ROCK1: variants seen among roughly 807,000 people sequenced by gnomAD.
ROCK1 encodes rho-associated protein kinase 1.
ROCK1 carries 36 observed loss-of-function variants against 196.8 expected under a neutral mutation model. The ratio of observed to expected loss-of-function variants is 0.18; its 90% CI spans 0.14 to 0.24. The LOEUF (loss-of-function observed/expected upper bound fraction) is 0.24, where lower values mean the gene tolerates loss of function less well. Among genes scored for constraint, ROCK1 ranks in the 10% least tolerant of loss-of-function variants. The pLI, the probability that ROCK1 is intolerant of heterozygous loss-of-function variation, is 1.00. For missense variants in ROCK1, 920 were observed against 1,562.0 expected (o/e 0.59, Z 6.93); for synonymous variants, 443 against 515.9 (o/e 0.86, Z 1.91).
chr18:21,021,931 T>A (rs2035916301), intron 11 of ROCK1, among the ~76,000 whole-genome samples: 1 of 152,190 alleles, frequency 6.6e-6, no homozygotes, highest in East Asian at 1.9e-4. Flanking sequence ...CAAACAGCTC[T>A]ACTGGGATTA....
chr18:21,095,597 G>A (rs137962236), intron 1 of ROCK1, among the ~76,000 whole-genome samples: 69 of 152,182 alleles, frequency 4.5e-4, no homozygotes, highest in African/African-American at 1.6e-3. Context: ...AAATAAGCCA[G>A]ACACAGAAAG....
chr18:21,029,252 C>T (rs2035986347), intron 9 of ROCK1, among the ~76,000 whole-genome samples: 1 of 152,118 alleles, frequency 6.6e-6, no homozygotes. Flanking sequence ...TACACAAAAG[C>T]ATTCGGGACT....
chr18:21,079,118 C>A (rs2036460723), intron 1 of ROCK1, among the ~76,000 whole-genome samples: 1 of 152,108 alleles, frequency 6.6e-6, no homozygotes, highest in South Asian at 2.1e-4. Flanking sequence ...TGTGGTCTTT[C>A]GCAGGCCTTC....
At chr18:21,060,839 CAAAAAAAAAAA>C (rs930819259) in intron 2 of ROCK1, among the ~76,000 whole-genome samples, 1 of 44,802 alleles carries the variant, frequency 2.2e-5, no homozygotes, top group African/African-American at 7.2e-5. Context: ...AACTCCATCT[CAAAAAAAAAAA>C]AAAAAAAAAA....
intron 29 of ROCK1, among the ~76,000 whole-genome samples, chr18:20,958,099 A>G (rs1444970838): frequency 6.6e-6 from 1 of 152,338 alleles, no homozygotes; most frequent in Non-Finnish European, 1.5e-5. Flanking sequence ...GAGGAAAGAA[A>G]TCTCTCATCA....
intron 27 of ROCK1, among the ~76,000 whole-genome samples, chr18:20,966,103 G>T (rs1233884706): frequency 6.6e-6 from 1 of 152,086 alleles, no homozygotes; most frequent in Non-Finnish European, 1.5e-5. Context: ...ATTTTCAAGT[G>T]TATTATCATG....
intron 1 of ROCK1, among the ~76,000 whole-genome samples, chr18:21,106,360 T>C (rs868224887): frequency 1.3e-5 from 2 of 152,302 alleles, no homozygotes; most frequent in Middle Eastern, 3.4e-3. Context: ...TGGAGTGCAG[T>C]GGCACAATCT....
intron 12 of ROCK1, among the ~76,000 whole-genome samples, chr18:21,017,381 T>G (rs1270663271): frequency 6.6e-6 from 1 of 151,446 alleles, no homozygotes; most frequent in Admixed American, 6.6e-5. Flanking sequence ...TTAGTAGAGA[T>G]GTGGTTTCAC....
rs867733244 is a variant in ROCK1 at position 21,052,787 on chromosome 18, G to A, written c.176-2907C>T. ...TGGAATAGTTTCATAAAACCATCCC[G>A]TCTGCCACCCCCCAACCCCCATCCT... On this transcript the variant is annotated intron_variant, in intron 2 of 32. Coordinates refer to ENST00000399799, the MANE Select transcript of ROCK1 (RefSeq NM_005406.3). 5.9e-4 allele frequency among the ~76,000 whole-genome samples: 89 copies of A among 151,948 alleles called. 1 individual carries two copies. The highest frequency in any genetic ancestry group is 3.4e-3 in the Middle Eastern group (1 of 294).
At chr18:20,965,484 A>C (rs1467667244) in intron 27 of ROCK1, among the ~76,000 whole-genome samples, 1 of 152,188 alleles carries the variant, frequency 6.6e-6, no homozygotes, top group Admixed American at 6.5e-5. Context: ...ACATACATAG[A>C]GTAAGAATCC....
intron 1 of ROCK1, among the ~76,000 whole-genome samples, chr18:21,091,572 C>T (rs2036570335): frequency 6.6e-6 from 1 of 152,168 alleles, no homozygotes; most frequent in African/African-American, 2.4e-5. Flanking sequence ...CACTGCACTC[C>T]AGCCTGGGTG....
chr18:21,016,702 T>A (rs943969140), intron 12 of ROCK1, among the ~76,000 whole-genome samples: 3 of 152,104 alleles, frequency 2.0e-5, no homozygotes, highest in African/African-American at 7.2e-5. Flanking sequence ...TGACAACACC[T>A]AGGAATCATC....
intron 13 of ROCK1, 120 bp from the exon 14 acceptor site, chr18:21,008,314 A>G: frequency 1.4e-6 from 1 of 714,608 alleles, no homozygotes; most frequent in Non-Finnish European, 2.2e-6. Context: ...CTTAAGATGA[A>G]TGTTCTGTTT....
rs2036134557 is a variant in ROCK1 at position 21,044,083 on chromosome 18, T to G, written c.675+19A>C. On this transcript the variant is annotated intron_variant, in intron 6 of 32. Transcript: ENST00000399799. ...TACCTTGAATTAGCAAAAACTAAAT[T>G]AAAATCTAGTTAATTAACCTTATTC... 7 of 1,481,738 alleles carry G rather than the reference T, an allele frequency of 4.7e-6. No homozygotes were observed. The highest frequency in any genetic ancestry group is 6.5e-6 in the Non-Finnish European group (7 of 1,070,398). The allele number at this position is 1,481,738 out of a possible 1,614,324, so 91.8% of individuals were successfully genotyped here.
chr18:21,010,628 G>C lies in ROCK1; in HGVS notation c.1411-2434C>G, dbSNP rs533115376. On this transcript the variant is annotated intron_variant, in intron 13 of 32. Coordinates refer to ENST00000399799, the MANE Select transcript of ROCK1 (RefSeq NM_005406.3). Reference sequence around the variant, plus strand: ...TTCAAATGTGTTTGTTTTATAGCTTGGGATGTGGTCTACCTTGGTGTGTGT... The same window carrying C: ...TTCAAATGTGTTTGTTTTATAGCTTCGGATGTGGTCTACCTTGGTGTGTGT... Among the ~76,000 whole-genome samples, 4 of 152,316 alleles carry C rather than the reference G, an allele frequency of 2.6e-5. No homozygotes were observed. The East Asian group carries it at 7.7e-4, about 29-fold the overall frequency.
At chr18:21,011,059 A>G (rs574676051) in intron 13 of ROCK1, among the ~76,000 whole-genome samples, 257 of 152,048 alleles carry the variant, frequency 1.7e-3, no homozygotes, top group Non-Finnish European at 3.0e-3. Flanking sequence ...ACTTGCCTAT[A>G]TTGTTATATT....
intron 2 of ROCK1, among the ~76,000 whole-genome samples, chr18:21,067,667 G>A (rs2036348004): frequency 6.6e-6 from 1 of 152,114 alleles, no homozygotes; most frequent in African/African-American, 2.4e-5. Context: ...GATTACAGGC[G>A]TGAGCCACCA....
At chr18:20,985,064 G>A (rs1313240240) in intron 19 of ROCK1, among the ~76,000 whole-genome samples, 2 of 151,424 alleles carry the variant, frequency 1.3e-5, no homozygotes, top group African/African-American at 4.9e-5. Flanking sequence ...TCACGCCACT[G>A]CACTCCAGCC....
At chr18:21,032,072 C>T (rs955026826) in intron 9 of ROCK1, among the ~76,000 whole-genome samples, 1 of 152,074 alleles carries the variant, frequency 6.6e-6, no homozygotes, top group African/African-American at 2.4e-5. Flanking sequence ...AATGGCCAAA[C>T]CTTTCCAAAT....
Sources: allele counts gnomAD v4.1 joint callset (sites outside exome capture counted in the v4.1 genomes callset), GRCh38; gene constraint gnomAD v4.1.1; transcripts MANE v1.5; gene names NCBI Gene and HGNC (gene_info 2026-07-23, HGNC 2026-07-21).